SCP2: variants seen among roughly 807,000 people sequenced by gnomAD.
SCP2 encodes SCP-2/3-oxoacyl-CoA thiolase.
SCP2 carries 48 observed loss-of-function variants against 71.4 expected under a neutral mutation model. That is an observed-to-expected ratio of 0.67 (90% confidence interval 0.53 to 0.86). SCP2 has a LOEUF of 0.86. Among genes scored for constraint, SCP2 ranks in the 40% least tolerant of loss-of-function variants. SCP2 has a pLI of 0.00. For missense variants in SCP2, 560 were observed against 655.6 expected, an observed-to-expected ratio of 0.85 and a Z score of 1.59; for synonymous variants, 220 against 218.1, an observed-to-expected ratio of 1.01 and a Z score of -0.08.
At position 53,028,089 on chromosome 1, in the gene SCP2, T is replaced by C. The variant is rs1216135686; in HGVS notation, c.1338+18T>C. 7.1e-7 allele frequency: 1 copy of C among 1,415,792 alleles called. No homozygotes were observed. Among genetic ancestry groups the C allele is most frequent in the Admixed American group, 1.7e-5 (1 of 59,542 alleles). 87.7% of individuals were successfully genotyped at this position (1,415,792 alleles called of 1,614,324 possible). A position where few individuals can be genotyped will look rare whatever the true frequency, so the allele number is the denominator to read the frequency against. On this transcript the variant is annotated intron_variant, in intron 13 of 15. Transcript: ENST00000371514. ...TTGAAGAGGTAAGATTTATGTAAAA[T>C]ATTGCCAGGAAGGACCTTGAGGCTA...
Position 53,047,166 on chromosome 1 carries a change from G to A in SCP2, c.1469-692G>A, listed in dbSNP as rs1001210502. Among the ~76,000 whole-genome samples, 4 of 152,222 alleles carry A rather than the reference G, an allele frequency of 2.6e-5. No homozygotes were observed. In the South Asian group the frequency reaches 6.2e-4, roughly 24 times the overall value. ...CCAGAGCTGGCCCTCAGCTCCTAACGGCCAGTTCCCTGCCACGTGGCCCTC... is the reference window on the plus strand; with the variant it reads ...CCAGAGCTGGCCCTCAGCTCCTAACAGCCAGTTCCCTGCCACGTGGCCCTC... On this transcript the variant is annotated intron_variant, in intron 14 of 15. Transcript: ENST00000371514.
At chr1:52,998,618 C>A (rs1039383919) in intron 11 of SCP2, among the ~76,000 whole-genome samples, 1 of 152,134 alleles carries the variant, frequency 6.6e-6, no homozygotes, top group Admixed American at 6.5e-5. Flanking sequence ...GTGGTCCCAG[C>A]TACCTGTGTC....
At chr1:52,992,921 A>C (rs1349637391) in intron 11 of SCP2, among the ~76,000 whole-genome samples, 1 of 152,224 alleles carries the variant, frequency 6.6e-6, no homozygotes, top group Non-Finnish European at 1.5e-5. Context: ...CTCTATTAAA[A>C]TGTAAGCACT....
intron 6 of SCP2, among the ~76,000 whole-genome samples, chr1:52,966,322 G>T (rs1044571432): frequency 6.6e-6 from 1 of 151,560 alleles, no homozygotes; most frequent in African/African-American, 2.4e-5. Flanking sequence ...AATGGGTATT[G>T]AATTTTGTAG....
chr1:53,035,124 T>C (rs1662838041), intron 13 of SCP2, among the ~76,000 whole-genome samples: 1 of 151,220 alleles, frequency 6.6e-6, no homozygotes. Context: ...AAAAAAAAAT[T>C]AATATGATAC....
Position 52,941,855 on chromosome 1 carries a change from T to C in SCP2, c.127+2T>C. ...ACCCTGACTTGGCAGAAGAAGCAGG[T>C]AACATAGAACATTTAGATCTTTGAA... is the stretch of plus-strand genomic sequence containing the variant. On this transcript the variant is annotated splice_donor_variant, in intron 2 of 15. Coordinates refer to ENST00000371514, the MANE Select transcript of SCP2 (RefSeq NM_002979.5). LOFTEE classifies it high-confidence loss of function. 1 of 1,598,276 alleles carries C rather than the reference T, an allele frequency of 6.3e-7. No homozygotes were observed. The highest frequency in any genetic ancestry group is 8.6e-7 in the Non-Finnish European group (1 of 1,165,518).
At chr1:52,969,215 C>T (rs916204357) in intron 6 of SCP2, among the ~76,000 whole-genome samples, 13 of 151,806 alleles carry the variant, frequency 8.6e-5, no homozygotes, top group Admixed American at 7.9e-4. Context: ...CTGTGTTGTT[C>T]AAGAGTCAAA....
At chr1:52,995,302 G>T in intron 11 of SCP2, 1 of 483,086 alleles carries the variant, frequency 2.1e-6, no homozygotes, top group Admixed American at 2.4e-5. Context: ...AGAGAACACT[G>T]ATGAGACCTA....
At chr1:52,965,258 G>GGTTATGTGC (rs1157024765) in intron 6 of SCP2, among the ~76,000 whole-genome samples, 1 of 151,976 alleles carries the variant, frequency 6.6e-6, no homozygotes, top group Non-Finnish European at 1.5e-5. Context: ...TTTATGCATA[G>GGTTATGTGC]GTTATGTGCA....
intron 12 of SCP2, among the ~76,000 whole-genome samples, chr1:53,017,362 T>G (rs1257234229): frequency 6.6e-6 from 1 of 152,222 alleles, no homozygotes; most frequent in East Asian, 1.9e-4. Context: ...TAGTCAACCC[T>G]TCTCCTTCTC....
chr1:53,022,105 A>G (rs1049749110), intron 12 of SCP2, among the ~76,000 whole-genome samples: 4 of 152,214 alleles, frequency 2.6e-5, no homozygotes, highest in African/African-American at 9.6e-5. Context: ...TCGTCACCTC[A>G]AGAGAAAGTG....
intron 6 of SCP2, among the ~76,000 whole-genome samples, chr1:52,971,134 C>G (rs556647504): frequency 3.4e-4 from 51 of 152,068 alleles, no homozygotes; most frequent in African/African-American, 1.2e-3. Flanking sequence ...CGCCACCACG[C>G]CTGGCTAATT....
intron 6 of SCP2, chr1:52,963,496 G>A (rs187806491): frequency 3.8e-4 from 58 of 152,006 alleles, no homozygotes; most frequent in Admixed American, 1.2e-3. Flanking sequence ...ATCCATTATC[G>A]GAGGTGTTAT....
Position 53,042,078 on chromosome 1 carries a change from G to A in SCP2, c.1468+3032G>A, listed in dbSNP as rs193071738. 2.2e-3 allele frequency among the ~76,000 whole-genome samples: 330 copies of A among 152,210 alleles called. 1 individual carries two copies. The highest frequency in any genetic ancestry group is 4.0e-3 in the Non-Finnish European group (272 of 68,024). On this transcript the variant is annotated intron_variant, in intron 14 of 15. Coordinates refer to ENST00000371514, the MANE Select transcript of SCP2 (RefSeq NM_002979.5). Reference sequence around the variant, plus strand: ...GGCATCCGTCTAGTGTGGGCAGCATGGCTTTGTTGTGGAAGTTTCCTGAAT... The same window carrying A: ...GGCATCCGTCTAGTGTGGGCAGCATAGCTTTGTTGTGGAAGTTTCCTGAAT...
At chr1:53,034,309 C>T (rs1014702514) in intron 13 of SCP2, among the ~76,000 whole-genome samples, 8 of 151,864 alleles carry the variant, frequency 5.3e-5, no homozygotes, top group Admixed American at 5.2e-4. Context: ...TCGATGTATG[C>T]ATCAATGTGG....
chr1:52,999,243 A>G (rs79401367), intron 11 of SCP2, among the ~76,000 whole-genome samples: 2,741 of 152,356 alleles, frequency 0.018, 80 homozygotes, highest in African/African-American at 0.062. Context: ...AATGTGCCCC[A>G]AGACAGAATT....
intron 2 of SCP2, chr1:52,943,864 T>G (rs1654517767): frequency 2.2e-6 from 1 of 446,876 alleles, no homozygotes; most frequent in Non-Finnish European, 4.5e-6. Flanking sequence ...GAGCAGCTTT[T>G]ATAGCCAGTT....
At chr1:52,996,464 C>T (rs1428510269) in intron 11 of SCP2, among the ~76,000 whole-genome samples, 4 of 152,102 alleles carry the variant, frequency 2.6e-5, no homozygotes, top group Non-Finnish European at 5.9e-5. Context: ...ATTTTCCATC[C>T]TAAAAGTTTT....
intron 15 of SCP2, chr1:53,049,564 A>G (rs1572242990): frequency 6.6e-6 from 1 of 152,348 alleles, no homozygotes; most frequent in Non-Finnish European, 1.5e-5. Flanking sequence ...TTGTTAGTAA[A>G]TAAAAAGTGA....
Sources: gnomAD v4.1 joint callset for allele counts (sites outside exome capture counted in the v4.1 genomes callset) on GRCh38, gnomAD v4.1.1 for gene constraint, MANE v1.5 for transcripts, NCBI Gene and HGNC (gene_info 2026-07-23, HGNC 2026-07-21) for gene names.